TNPO1: variants seen among roughly 807,000 people sequenced by gnomAD.
TNPO1 encodes the protein transportin-1.
In TNPO1, 8 loss-of-function variants were observed where a neutral mutation model predicts 119.5. The ratio of observed to expected loss-of-function variants is 0.07; its 90% CI spans 0.04 to 0.12. The LOEUF is 0.12. Ranked by LOEUF, TNPO1 falls within the 10% of genes least tolerant of loss-of-function variation. The probability of loss-of-function intolerance (pLI) is 1.00; values close to 1 mark genes in which losing one functional copy is unlikely to be tolerated. For synonymous variants in TNPO1, 362 were observed against 363.0 expected, an observed-to-expected ratio of 1.00 and a Z score of 0.03; for missense variants, 576 against 1,089.8, an observed-to-expected ratio of 0.53 and a Z score of 6.64.
At chr5:72,859,550 T>G (rs1746268853) in intron 4 of TNPO1, among the ~76,000 whole-genome samples, 1 of 152,222 alleles carries the variant, frequency 6.6e-6, no homozygotes, top group Admixed American at 6.5e-5. Context: ...TTATTAACCT[T>G]AACAATACAT....
At chr5:72,834,849 C>T (rs186482916) in intron 1 of TNPO1, among the ~76,000 whole-genome samples, 28 of 145,290 alleles carry the variant, frequency 1.9e-4, no homozygotes, top group African/African-American at 7.1e-4. Context: ...ATTGATAAAC[C>T]ATTTTTTTAT....
chr5:72,835,152 C>T (rs923927800), intron 1 of TNPO1, among the ~76,000 whole-genome samples: 2 of 152,184 alleles, frequency 1.3e-5, no homozygotes, highest in South Asian at 2.1e-4. Flanking sequence ...TTTCTTAGAC[C>T]GTATCCCTGT....
chr5:72,843,443 A>G (rs1744997412), intron 1 of TNPO1, among the ~76,000 whole-genome samples: 1 of 152,018 alleles, frequency 6.6e-6, no homozygotes, highest in South Asian at 2.1e-4. Flanking sequence ...AAAATTCAAA[A>G]ATTAACCGAG....
intron 11 of TNPO1, among the ~76,000 whole-genome samples, chr5:72,883,690 A>G (rs1050867718): frequency 3.9e-5 from 6 of 152,120 alleles, no homozygotes; most frequent in Admixed American, 6.6e-5. Context: ...TTGAGTTGTG[A>G]TGCTATAAAT....
At chr5:72,897,999 T>A (rs1303508807) in intron 20 of TNPO1, among the ~76,000 whole-genome samples, 1 of 152,150 alleles carries the variant, frequency 6.6e-6, no homozygotes, top group Non-Finnish European at 1.5e-5. Flanking sequence ...TTAAAATTGA[T>A]AATGTTTATT....
At chr5:72,892,016 T>C (rs1749094678) in intron 15 of TNPO1, 120 bp downstream of exon 15, 3 of 703,018 alleles carry the variant, frequency 4.3e-6, no homozygotes, top group Admixed American at 2.6e-5. Flanking sequence ...GAGGAAATTA[T>C]ATGATACATA....
chr5:72,841,404 C>T (rs1744908205), intron 1 of TNPO1, among the ~76,000 whole-genome samples: 1 of 152,158 alleles, frequency 6.6e-6, no homozygotes, highest in African/African-American at 2.4e-5. Flanking sequence ...AGGCGTGAGC[C>T]ACCGCGCCCG....
chr5:72,882,348 C>A, intron 9 of TNPO1, 119 bp from the exon 10 acceptor site: 1 of 670,534 alleles, frequency 1.5e-6, no homozygotes, highest in Non-Finnish European at 2.5e-6. Flanking sequence ...TGAATAAGTT[C>A]AAAGACAATA....
intron 1 of TNPO1, among the ~76,000 whole-genome samples, chr5:72,841,507 AC>A (rs1323758600): frequency 3.3e-5 from 5 of 151,678 alleles, no homozygotes; most frequent in African/African-American, 9.7e-5. Flanking sequence ...GCATGCCACC[AC>A]GCCTGGCTAA....
intron 18 of TNPO1, 85 bp downstream of exon 18, chr5:72,893,788 T>C: frequency 3.3e-6 from 4 of 1,215,042 alleles, no homozygotes; most frequent in Non-Finnish European, 4.8e-6. Context: ...TAAACTGAAA[T>C]TGCATGGAAT....
intron 14 of TNPO1, 25 bp from the exon 15 acceptor site, chr5:72,891,783 TTA>T (rs757143369): frequency 1.1e-4 from 167 of 1,506,246 alleles, no homozygotes; most frequent in Non-Finnish European, 1.4e-4. Context: ...TAGTGGAATT[TTA>T]TATGTTTTTC....
At chr5:72,818,495 G>T (rs935264739) in intron 1 of TNPO1, among the ~76,000 whole-genome samples, 1 of 152,094 alleles carries the variant, frequency 6.6e-6, no homozygotes, top group African/African-American at 2.4e-5. Flanking sequence ...GTATTTAGAA[G>T]AATTTCTTGA....
chr5:72,836,119 A>G (rs1211648315), intron 1 of TNPO1, among the ~76,000 whole-genome samples: 1 of 152,188 alleles, frequency 6.6e-6, no homozygotes, highest in Non-Finnish European at 1.5e-5. Context: ...ATTGCACTCC[A>G]GTGGCTCTTT....
Position 72,860,353 on chromosome 5 carries a change from C to T in TNPO1, c.356-1455C>T, listed in dbSNP as rs183236565. On this transcript the variant is annotated intron_variant, in intron 4 of 24. Coordinates refer to ENST00000337273, the MANE Select transcript of TNPO1 (RefSeq NM_002270.4). The stretch of plus-strand genomic sequence containing the variant: ...AATTTGCCTATTGTCAGAGCTTATA[C>T]TCTTCTGGCACTAAAAGATCCATAA... Among the ~76,000 whole-genome samples, 8 of 152,316 alleles carry T rather than the reference C, an allele frequency of 5.3e-5. No homozygotes were observed. In the East Asian group the frequency reaches 1.3e-3, roughly 26 times the overall value.
chr5:72,863,124 A>G (rs556265093), intron 5 of TNPO1, among the ~76,000 whole-genome samples: 1 of 151,816 alleles, frequency 6.6e-6, no homozygotes, highest in South Asian at 2.1e-4. Context: ...TGGTTAGTGG[A>G]TACAGTAAGT....
intron 14 of TNPO1, among the ~76,000 whole-genome samples, chr5:72,891,021 C>T (rs1323525196): frequency 6.6e-6 from 1 of 151,996 alleles, no homozygotes; most frequent in Non-Finnish European, 1.5e-5. Context: ...TCCTGGCCAA[C>T]TTTTTGTAGA....
At chr5:72,835,148 A>G (rs1744645782) in intron 1 of TNPO1, among the ~76,000 whole-genome samples, 1 of 152,228 alleles carries the variant, frequency 6.6e-6, no homozygotes. Flanking sequence ...TGCATTTCTT[A>G]GACCGTATCC....
In TNPO1 at chr5:72,895,434, G is replaced by A. The variant is rs144412024; in HGVS notation, c.2144-1024G>A. ...AACTAGGGGCAATTTTGCCATTCGG[G>A]GAACATTTGCCAGTGTCTGGAGACA... On this transcript the variant is annotated intron_variant, in intron 18 of 24. Transcript: ENST00000337273. Among the ~76,000 whole-genome samples the A allele has an allele frequency of 4.3e-4, 66 of 151,880 alleles. 1 individual carries two copies. The highest frequency in any genetic ancestry group is 1.5e-3 in the African/African-American group (62 of 41,376).
intron 13 of TNPO1, among the ~76,000 whole-genome samples, chr5:72,888,855 A>G (rs192638221): frequency 1.2e-4 from 18 of 152,190 alleles, no homozygotes; most frequent in East Asian, 7.8e-4. Context: ...TAGCCATTCT[A>G]TTGGTTGGTT....
Sources: gnomAD v4.1 joint callset for allele counts (sites outside exome capture counted in the v4.1 genomes callset) on GRCh38, gnomAD v4.1.1 for gene constraint, MANE v1.5 for transcripts, NCBI Gene and HGNC (gene_info 2026-07-23, HGNC 2026-07-21) for gene names.